Variants in DYNC2H1 observed in about 807,000 individuals in gnomAD.
DYNC2H1 encodes dynein cytoplasmic 2 heavy chain 1, also known as cytoplasmic dynein 2 heavy chain 1.
A neutral mutation model predicts 570.0 loss-of-function variants in DYNC2H1; 410 were observed. That is an observed-to-expected ratio of 0.72 (90% CI 0.66 to 0.78). DYNC2H1 has a LOEUF of 0.78. Ranked by LOEUF, DYNC2H1 falls within the 30% of genes least tolerant of loss-of-function variation. The probability of loss-of-function intolerance (pLI) is 0.00; values close to 1 mark genes in which losing one functional copy is unlikely to be tolerated. For synonymous variants in DYNC2H1, 1,688 were observed against 1,677.6 expected (o/e 1.01, Z -0.15); for missense variants, 4,865 against 5,046.4 (o/e 0.96, Z 1.09).
At chr11:103,345,676 G>A (rs1288208289) in intron 82 of DYNC2H1, among the ~76,000 whole-genome samples, 1 of 152,162 alleles carries the variant, frequency 6.6e-6, no homozygotes, top group African/African-American at 2.4e-5. Flanking sequence ...GAAGGGGAGT[G>A]GTGGGACATG....
chr11:103,444,928 G>A (rs1003856096), intron 85 of DYNC2H1, among the ~76,000 whole-genome samples: 1 of 152,158 alleles, frequency 6.6e-6, no homozygotes, highest in Non-Finnish European at 1.5e-5. Flanking sequence ...TTTAGTCTGA[G>A]TACATGGGAG....
At chr11:103,141,233 G>T (rs1032630866) in intron 17 of DYNC2H1, among the ~76,000 whole-genome samples, 4 of 152,180 alleles carry the variant, frequency 2.6e-5, no homozygotes, top group Non-Finnish European at 2.9e-5. Flanking sequence ...GTCCAGCTTT[G>T]TTCCGTTACT....
At chr11:103,131,701 A>G (rs1218800842) in intron 13 of DYNC2H1, among the ~76,000 whole-genome samples, 1 of 151,980 alleles carries the variant, frequency 6.6e-6, no homozygotes. Context: ...TTTTAAATAG[A>G]TATGAAATGC....
chr11:103,257,676 C>A lies in DYNC2H1; in HGVS notation c.10530C>A (p.Ser3510=). Residue 3510 remains serine, a synonymous_variant, in exon 69 of 89, where the codon TCC becomes TCA. Coordinates refer to ENST00000375735, the MANE Select transcript of DYNC2H1 (RefSeq NM_001377.3). ...TGTACTTCATTATTTCTGATTTGTC[C>A]AAAATTAATAACATGTACCGTTTTA... ...SKMYFIISDL[S]KINNMYRFSL... 6.2e-7 allele frequency: 1 copy of A among 1,612,894 alleles called. No homozygotes were observed. Among genetic ancestry groups the A allele is most frequent in the Non-Finnish European group, 8.5e-7 (1 of 1,179,338 alleles).
Position 103,280,337 on chromosome 11 carries a change from A to C in DYNC2H1, c.10696-11A>C, listed in dbSNP as rs1200955986. 6.4e-7 allele frequency: 1 copy of C among 1,552,666 alleles called. No homozygotes were observed. Among genetic ancestry groups the C allele is most frequent in the African/African-American group, 1.4e-5 (1 of 73,362 alleles). ...TTTAAAAGGCAAGATAATATCTGTT[A>C]TTCTTTGCAGGCTGATCAGTTGATG... On this transcript the variant is annotated splice_polypyrimidine_tract_variant and intron_variant, in intron 70 of 88. Transcript: ENST00000375735. The surrounding 1 kb of genome is among the most constrained non-coding windows in gnomAD (Gnocchi z 4.7).
At chr11:103,360,562 A>C (rs1303783663) in intron 83 of DYNC2H1, among the ~76,000 whole-genome samples, 1 of 152,090 alleles carries the variant, frequency 6.6e-6, no homozygotes, top group Non-Finnish European at 1.5e-5. Context: ...TTTTATTATG[A>C]ATGGTCATTT....
At chr11:103,438,787 G>C (rs1318814654) in intron 85 of DYNC2H1, among the ~76,000 whole-genome samples, 1 of 152,076 alleles carries the variant, frequency 6.6e-6, no homozygotes, top group Non-Finnish European at 1.5e-5. Context: ...GGATTAGTAA[G>C]TAGATACAAT....
Position 103,285,134 on chromosome 11 carries a change from C to A in DYNC2H1, c.10891-1121C>A, listed in dbSNP as rs79145264. On this transcript the variant is annotated intron_variant, in intron 73 of 88. Transcript: ENST00000375735. ...TTGATACTGTTTTAGAAAAACAGAG[C>A]TTGACAGAGTTTAAAACTGAAGATA... Among the ~76,000 whole-genome samples the A allele has an allele frequency of 9.2e-3, 1,397 of 152,208 alleles. 28 individuals are homozygous for A. Among genetic ancestry groups the A allele is most frequent in the African/African-American group, 0.031 (1,306 of 41,520 alleles).
chr11:103,143,871 A>G (rs549849551), intron 18 of DYNC2H1, among the ~76,000 whole-genome samples: 1 of 152,336 alleles, frequency 6.6e-6, no homozygotes, highest in East Asian at 1.9e-4. Context: ...TTGAGAATAT[A>G]GTCTCCTTGT....
Position 103,275,344 on chromosome 11 carries a change from C to T in DYNC2H1, c.10696-5004C>T, listed in dbSNP as rs1443217202. Among the ~76,000 whole-genome samples, 1 of 152,160 alleles carries T rather than the reference C, an allele frequency of 6.6e-6. No homozygotes were observed. The highest frequency in any genetic ancestry group is 2.4e-5 in the African/African-American group (1 of 41,440). On this transcript the variant is annotated intron_variant, in intron 70 of 88. Transcript: ENST00000375735. The surrounding 1 kb of genome is among the most constrained non-coding windows in gnomAD (Gnocchi z 4.8). ...GTTAAAACTGTTCAACTTACATTGA[C>T]ACATCCTAATCACCTGAAGTTCATA...
chr11:103,402,121 T>G (rs2135654852), intron 84 of DYNC2H1: 1 of 152,262 alleles, frequency 6.6e-6, no homozygotes, highest in South Asian at 2.1e-4. Context: ...TATCTGTTTT[T>G]GACTACCTTC....
chr11:103,197,678 G>A (rs189022109), intron 47 of DYNC2H1, among the ~76,000 whole-genome samples: 3 of 152,224 alleles, frequency 2.0e-5, no homozygotes, highest in Admixed American at 2.0e-4. Flanking sequence ...GACCTCCTGA[G>A]CTGAAGTAAT....
intron 32 of DYNC2H1, 125 bp downstream of exon 32, chr11:103,169,085 G>C: frequency 2.2e-6 from 2 of 906,704 alleles, no homozygotes; most frequent in Non-Finnish European, 3.1e-6. Context: ...TAGTATTATT[G>C]TCTTGTTTAA....
At chr11:103,111,057 C>G (rs1320839889) in intron 1 of DYNC2H1, among the ~76,000 whole-genome samples, 1 of 152,122 alleles carries the variant, frequency 6.6e-6, no homozygotes. Context: ...AACTCCTGAC[C>G]TCAGGTGATC....
At position 103,245,371 on chromosome 11, in the gene DYNC2H1, C is replaced by G. The variant is rs1043453967; in HGVS notation, c.10039C>G (p.Gln3347Glu). Reference sequence around the variant, plus strand: ...ATTATTGAGACGAGATCTGGTTGCTCAAGGTAAATAATTGACACTTTCCAG... The same window carrying G: ...ATTATTGAGACGAGATCTGGTTGCTGAAGGTAAATAATTGACACTTTCCAG... Reference protein sequence around the residue: ...YPLLRRDLVAQGPRYVVQIGD... With the variant: ...YPLLRRDLVAEGPRYVVQIGD... The change falls in exon 65 of 89, where the codon CAA becomes GAA. Residue 3347 changes from glutamine to glutamate, a missense_variant. Physicochemically the swap from Gln to Glu is conservative, Grantham distance 29. Coordinates refer to ENST00000375735, the MANE Select transcript of DYNC2H1 (RefSeq NM_001377.3). This position sits in a 1 kb window ranked among gnomAD's most constrained non-coding sequence, Gnocchi z 4.5. The G allele has an allele frequency of 6.3e-7, 1 of 1,581,894 alleles. No individual in the cohort carries two copies. The highest frequency in any genetic ancestry group is 1.2e-5 in the South Asian group (1 of 84,816).
In DYNC2H1 at chr11:103,461,301, T is replaced by C. The variant is rs1163618228; in HGVS notation, c.12648+4945T>C. ...AATTTTACTATCACTATAATTTTAT[T>C]AGTTTTTTTTAAAATCTCTATCACC... On this transcript the variant is annotated intron_variant, in intron 87 of 88. Coordinates refer to ENST00000375735, the MANE Select transcript of DYNC2H1 (RefSeq NM_001377.3). This position sits in a 1 kb window ranked among gnomAD's most constrained non-coding sequence, Gnocchi z 4.8. Among the ~76,000 whole-genome samples the C allele has an allele frequency of 6.8e-6, 1 of 147,184 alleles. No individual in the cohort carries two copies. The highest frequency in any genetic ancestry group is 1.5e-5 in the Non-Finnish European group (1 of 66,532).
At chr11:103,314,708 T>C (rs900290129) in intron 79 of DYNC2H1, among the ~76,000 whole-genome samples, 3 of 152,060 alleles carry the variant, frequency 2.0e-5, no homozygotes, top group Middle Eastern at 3.4e-3. Flanking sequence ...ATAAAAATCA[T>C]AACACTGGAG....
chr11:103,387,183 G>C (rs570513143), intron 83 of DYNC2H1, among the ~76,000 whole-genome samples: 113 of 152,248 alleles, frequency 7.4e-4, no homozygotes, highest in African/African-American at 2.6e-3. Context: ...ACTTTTTAAT[G>C]ATTGACATTC....
Position 103,461,391 on chromosome 11 carries a change from C to T in DYNC2H1, c.12648+5035C>T, listed in dbSNP as rs767234557. The stretch of plus-strand genomic sequence containing the variant: ...CGATCAATATCTTAAACCCTTTAGA[C>T]CTACTTGAGAGAACATATTTATGTA... On this transcript the variant is annotated intron_variant, in intron 87 of 88. Coordinates refer to ENST00000375735, the MANE Select transcript of DYNC2H1 (RefSeq NM_001377.3). The surrounding 1 kb of genome is among the most constrained non-coding windows in gnomAD (Gnocchi z 4.8). Among the ~76,000 whole-genome samples, 1 of 152,130 alleles carries T rather than the reference C, an allele frequency of 6.6e-6. No homozygotes were observed. Among genetic ancestry groups the T allele is most frequent in the Non-Finnish European group, 1.5e-5 (1 of 68,030 alleles).
Sources: allele counts gnomAD v4.1 joint callset (sites outside exome capture counted in the v4.1 genomes callset), GRCh38; gene constraint gnomAD v4.1.1; non-coding constraint Gnocchi (gnomAD v3.1); transcripts MANE v1.5; gene names NCBI Gene and HGNC (gene_info 2026-07-23, HGNC 2026-07-21).